ALX1: variants seen among roughly 807,000 people sequenced by gnomAD.
The protein encoded by ALX1 is ALX homeobox protein 1.
In ALX1, 19 loss-of-function variants were observed where a neutral mutation model predicts 31.7. The observed-to-expected ratio is 0.60, with a 90% confidence interval of 0.42 to 0.88. The LOEUF (loss-of-function observed/expected upper bound fraction) is 0.88, where lower values mean the gene tolerates loss of function less well. Among genes scored for constraint, ALX1 ranks in the 40% least tolerant of loss-of-function variants. The pLI is 0.00. For missense variants in ALX1, 415 were observed against 407.8 expected, an observed-to-expected ratio of 1.02 and a Z score of -0.15; for synonymous variants, 153 against 148.8, an observed-to-expected ratio of 1.03 and a Z score of -0.20.
chr12:85,284,806 C>G (rs919232181), intron 2 of ALX1, among the ~76,000 whole-genome samples: 5 of 151,984 alleles, frequency 3.3e-5, no homozygotes, highest in African/African-American at 1.2e-4. Context: ...GTTCTGACTC[C>G]TCTACAAAAG....
intron 3 of ALX1, among the ~76,000 whole-genome samples, chr12:85,291,787 G>A (rs950400594): frequency 1.3e-5 from 2 of 151,000 alleles, no homozygotes; most frequent in East Asian, 1.9e-4. Context: ...ATGGATTTCC[G>A]AAAAGGAAAG....
Position 85,299,822 on chromosome 12 carries a change from A to C in ALX1, c.661-1333A>C, listed in dbSNP as rs1326113851. The stretch of plus-strand genomic sequence containing the variant: ...CATGGGTATTGTAAGACTACACCAG[A>C]CCTTATATGTAGGTGCCTGGAATCT... On this transcript the variant is annotated intron_variant, in intron 3 of 3. Transcript: ENST00000316824. Among the ~76,000 whole-genome samples, 12 of 151,868 alleles carry C rather than the reference A, an allele frequency of 7.9e-5. No individual in the cohort carries two copies. The Admixed American group carries it at 7.9e-4, about 10-fold the overall frequency.
rs189410615 is a variant in ALX1 at position 85,295,794 on chromosome 12, G to T, written c.661-5361G>T. On this transcript the variant is annotated intron_variant, in intron 3 of 3. Transcript: ENST00000316824. Reference sequence around the variant, plus strand: ...TCGATGTTGGTGGCAGGAGATAGGAGCACTCTATATATAGATGAGAAGTAG... The same window carrying T: ...TCGATGTTGGTGGCAGGAGATAGGATCACTCTATATATAGATGAGAAGTAG... 2.0e-5 allele frequency among the ~76,000 whole-genome samples: 3 copies of T among 151,526 alleles called. No individual in the cohort carries two copies. The South Asian group carries it at 6.2e-4, about 31-fold the overall frequency.
At position 85,280,338 on chromosome 12, in the gene ALX1, G is replaced by T; in HGVS notation, c.77G>T (p.Gly26Val). The change falls in exon 1 of 4, where the codon GGT becomes GTT. Residue 26 changes from glycine (G) to valine (V), a missense_variant. By Grantham distance (109) the Gly-to-Val change is moderately radical. Around this residue, in one of 3 missense-constraint regions of ALX1, gnomAD observed 235 missense variants for 208.9 expected, o/e 1.13. Transcript: ENST00000316824. The part of the protein sequence containing the change: ...KNSDFYMGAG[G>V]PLEHVMETLD... ...AGTGACTTTTACATGGGCGCAGGAG[G>T]TCCTCTGGAGCACGTTATGGAGACG... is the stretch of plus-strand genomic sequence containing the variant. 6.2e-7 allele frequency: 1 copy of T among 1,613,920 alleles called. No individual in the cohort carries two copies. The highest frequency in any genetic ancestry group is 1.1e-5 in the South Asian group (1 of 91,084).
At chr12:85,300,930 C>T (rs779857102) in intron 3 of ALX1, among the ~76,000 whole-genome samples, 4 of 151,840 alleles carry the variant, frequency 2.6e-5, no homozygotes, top group East Asian at 1.9e-4. Flanking sequence ...TTTGAGAGTA[C>T]GTTATGTGGC....
chr12:85,281,803 G>A (rs1192573727), intron 1 of ALX1, among the ~76,000 whole-genome samples: 1 of 152,126 alleles, frequency 6.6e-6, no homozygotes, highest in African/African-American at 2.4e-5. Flanking sequence ...ATCTGTATTT[G>A]TGGAATTCTT....
At chr12:85,289,980 A>T (rs1407991639) in intron 3 of ALX1, among the ~76,000 whole-genome samples, 1 of 151,056 alleles carries the variant, frequency 6.6e-6, no homozygotes, top group African/African-American at 2.4e-5. Flanking sequence ...TACAGAAAAA[A>T]TTATTAATTT....
intron 3 of ALX1, among the ~76,000 whole-genome samples, chr12:85,294,713 C>T (rs1896863965): frequency 6.6e-6 from 1 of 150,844 alleles, no homozygotes; most frequent in African/African-American, 2.4e-5. Context: ...TAGACATACA[C>T]ATTTATTTTT....
rs1171032168 is a variant in ALX1, at chr12:85,280,326, T to G, written c.65T>G (p.Met22Arg). The change falls in exon 1 of 4, where the codon ATG (methionine) becomes AGG (arginine). Residue 22 changes from methionine (M) to arginine (R), a missense_variant. Met to Arg is a moderately conservative substitution (Grantham distance 91). Around this residue, in one of 3 missense-constraint regions of ALX1, gnomAD observed 235 missense variants for 208.9 expected, o/e 1.13. Coordinates refer to ENST00000316824, the MANE Select transcript of ALX1 (RefSeq NM_006982.3). Reference sequence around the variant, plus strand: ...CCGAGTAAAAACAGTGACTTTTACATGGGCGCAGGAGGTCCTCTGGAGCAC... The same window carrying G: ...CCGAGTAAAAACAGTGACTTTTACAGGGGCGCAGGAGGTCCTCTGGAGCAC... ...SPPSKNSDFY[M>R]GAGGPLEHVM... 2.5e-6 allele frequency: 4 copies of G among 1,613,780 alleles called. No homozygotes were observed. The highest frequency in any genetic ancestry group is 2.5e-6 in the Non-Finnish European group (3 of 1,180,040).
Position 85,301,188 on chromosome 12 carries a change from G to T in ALX1, c.694G>T (p.Gly232Cys), listed in dbSNP as rs960499054. 1.2e-6 allele frequency: 2 copies of T among 1,613,978 alleles called. No individual in the cohort carries two copies. Among genetic ancestry groups the T allele is most frequent in the Non-Finnish European group, 1.7e-6 (2 of 1,179,924 alleles). ...QNNLWAGNAS[G>C]GSVVTSCMLP... ...CAATTTGTGGGCAGGAAATGCAAGT[G>T]GTGGTTCTGTGGTTACTTCATGCAT... Residue 232 changes from glycine to cysteine, a missense_variant, in exon 4 of 4, where the codon GGT (glycine) becomes TGT (cysteine). Transcript: ENST00000316824.
chr12:85,281,174 T>C (rs1896668500), intron 1 of ALX1, among the ~76,000 whole-genome samples: 1 of 152,184 alleles, frequency 6.6e-6, no homozygotes, highest in Non-Finnish European at 1.5e-5. Flanking sequence ...CCCGGCCTAA[T>C]CACTCATTCC....
chr12:85,294,878 T>C (rs985277783), intron 3 of ALX1, among the ~76,000 whole-genome samples: 2 of 151,228 alleles, frequency 1.3e-5, no homozygotes, highest in African/African-American at 4.8e-5. Context: ...TGACAGTATT[T>C]AGTATATGAT....
At position 85,280,356 on chromosome 12, in the gene ALX1, T is replaced by C; in HGVS notation, c.95T>C (p.Met32Thr). The C allele has an allele frequency of 6.2e-7, 1 of 1,613,932 alleles. No homozygotes were observed. Among genetic ancestry groups the C allele is most frequent in the South Asian group, 1.1e-5 (1 of 91,086 alleles). Residue 32 changes from methionine to threonine, a missense_variant, in exon 1 of 4, where the codon ATG becomes ACG. This residue lies in a region of ALX1 where 235 missense variants were observed against 208.9 expected (regional missense o/e 1.13). Transcript: ENST00000316824. ...GCAGGAGGTCCTCTGGAGCACGTTA[T>C]GGAGACGCTGGACAATGAGTCCTTT... ...MGAGGPLEHV[M>T]ETLDNESFYS...
rs1169492272 is a variant in ALX1, at chr12:85,301,532, A to C, written c.*57A>C. 8 of 1,558,430 alleles carry C rather than the reference A, an allele frequency of 5.1e-6. No individual in the cohort carries two copies. Among genetic ancestry groups the C allele is most frequent in the Middle Eastern group, 1.7e-4 (1 of 5,964 alleles). On this transcript the variant is annotated 3_prime_UTR_variant, in exon 4 of 4. Transcript: ENST00000316824. Reference sequence around the variant, plus strand: ...GCAAAGTTAAACATTCTTATTTCTCATATTTAAAGGATACCACAATAAGCT... The same window carrying C: ...GCAAAGTTAAACATTCTTATTTCTCCTATTTAAAGGATACCACAATAAGCT...
intron 2 of ALX1, among the ~76,000 whole-genome samples, chr12:85,284,352 A>AG (rs1491141088): frequency 1.3e-5 from 2 of 151,252 alleles, no homozygotes; most frequent in African/African-American, 4.8e-5. Context: ...AAAAAAAAAA[A>AG]CAATCCCACA....
In ALX1 at chr12:85,280,448, G is replaced by C; in HGVS notation, c.187G>C (p.Val63Leu). The change falls in exon 1 of 4, where the codon GTG (valine) becomes CTG (leucine). Residue 63 changes from valine to leucine, a missense_variant. Coordinates refer to ENST00000316824, the MANE Select transcript of ALX1 (RefSeq NM_006982.3). ...ACCCCTGCCCCGCGCCGAGCATCAC[G>C]TGCGCTTGGAGAGGACCTCGCCCTG... Reference protein sequence around the residue: ...FGPLPRAEHHVRLERTSPCQD... With the variant: ...FGPLPRAEHHLRLERTSPCQD... 1 of 1,612,040 alleles carries C rather than the reference G, an allele frequency of 6.2e-7. No individual in the cohort carries two copies. The highest frequency in any genetic ancestry group is 8.5e-7 in the Non-Finnish European group (1 of 1,179,990).
At chr12:85,281,790 G>A (rs1388326436) in intron 1 of ALX1, among the ~76,000 whole-genome samples, 2 of 152,046 alleles carry the variant, frequency 1.3e-5, no homozygotes, top group Admixed American at 1.3e-4. Context: ...TTTCAGACCT[G>A]GTATCTGTAT....
chr12:85,290,379 CTCTTTAATTCATCACTGAAGAG>C (rs754622922), intron 3 of ALX1, among the ~76,000 whole-genome samples: 45 of 151,162 alleles, frequency 3.0e-4, no homozygotes, highest in Non-Finnish European at 5.2e-4. Flanking sequence ...GTAACATTAT[CTCTTTAATTCATCACTGAAGAG>C]TGAAATTATT....
chr12:85,283,639 C>A lies in ALX1; in HGVS notation c.294C>A (p.Asn98Lys). Residue 98 changes from asparagine (N) to lysine (K), a missense_variant, in exon 2 of 4, where the codon AAC becomes AAA. Around this residue, in one of 3 missense-constraint regions of ALX1, gnomAD observed 235 missense variants for 208.9 expected, o/e 1.13. Transcript: ENST00000316824. ...CCGAACTGAATAGAGCTATGGACAA[C>A]TGTAACAGTCTCCGAATGTCTCCCG... is the stretch of plus-strand genomic sequence containing the variant. ...LHTELNRAMD[N>K]CNSLRMSPVK... 6.2e-7 allele frequency: 1 copy of A among 1,614,114 alleles called. No individual in the cohort carries two copies.
Sources: allele counts gnomAD v4.1 joint callset (sites outside exome capture counted in the v4.1 genomes callset), GRCh38; gene constraint gnomAD v4.1.1; regional missense constraint gnomAD v4.1.1; transcripts MANE v1.5; gene names NCBI Gene and HGNC (gene_info 2026-07-23, HGNC 2026-07-21).